Variants in TCF20 observed in about 807,000 individuals in gnomAD.
TCF20 encodes SPRE-binding protein.
Under a neutral mutation model 148.6 loss-of-function variants are expected in TCF20, and 3 were observed. That is an observed-to-expected ratio of 0.02 (90% confidence interval 0.01 to 0.05). The LOEUF (loss-of-function observed/expected upper bound fraction) is 0.05, where lower values mean the gene tolerates loss of function less well. TCF20 is among the 10% of genes least tolerant of loss of function. The pLI is 1.00. For synonymous variants in TCF20, 1,049 were observed against 909.5 expected (o/e 1.15, Z -2.76); for missense variants, 2,350 against 2,429.3 (o/e 0.97, Z 0.69).
rs3045578 is a variant in TCF20, at chr22:42,243,292, C to CAAAAAAAAAA, written c.-37+27037_-37+27046dup. Among the ~76,000 whole-genome samples the CAAAAAAAAAA allele has an allele frequency of 5.1e-3, 202 of 39,496 alleles. 58 individuals are homozygous for CAAAAAAAAAA. Among genetic ancestry groups the CAAAAAAAAAA allele is most frequent in the East Asian group, 0.028 (19 of 678 alleles). The allele number at this position is 39,496 out of a possible 152,430, so 25.9% of individuals were successfully genotyped here. On this transcript the variant is annotated intron_variant, in intron 1 of 5. Coordinates refer to ENST00000677622, the MANE Select transcript of TCF20 (RefSeq NM_001378418.1). Reference sequence around the variant, plus strand: ...TGGCTGGCAGAGCAAGACACTGTCTCAAAAAAAAAAAAAAAAAAAAAAAAA... The same window carrying CAAAAAAAAAA: ...TGGCTGGCAGAGCAAGACACTGTCTCAAAAAAAAAAAAAAAAAAAAAAAAAAAAAAAAAAA...
chr22:42,218,296 G>GTTTGGCC (rs757923635), intron 1 of TCF20, among the ~76,000 whole-genome samples: 38 of 152,188 alleles, frequency 2.5e-4, no homozygotes, highest in Non-Finnish European at 4.7e-4. Context: ...TGTCCTGTCA[G>GTTTGGCC]TTTGGCCTTG....
At chr22:42,193,555 T>C (rs2147136820) in intron 2 of TCF20, among the ~76,000 whole-genome samples, 1 of 152,214 alleles carries the variant, frequency 6.6e-6, no homozygotes, top group South Asian at 2.1e-4. Flanking sequence ...CTCAAACTCC[T>C]GGGCTTAGGC....
At chr22:42,331,256 G>A (rs1391553055) in intron 1 of TCF20, among the ~76,000 whole-genome samples, 1 of 152,140 alleles carries the variant, frequency 6.6e-6, no homozygotes, top group Non-Finnish European at 1.5e-5. Flanking sequence ...GCTAAGCCAC[G>A]AGCCACCGGG....
In TCF20 at chr22:42,249,854, A is replaced by G. The variant is rs553761578; in HGVS notation, c.-37+20485T>C. Among the ~76,000 whole-genome samples, 5 of 152,130 alleles carry G rather than the reference A, an allele frequency of 3.3e-5. No homozygotes were observed. The East Asian group carries it at 9.7e-4, about 29-fold the overall frequency. On this transcript the variant is annotated intron_variant, in intron 1 of 5. Coordinates refer to ENST00000677622, the MANE Select transcript of TCF20 (RefSeq NM_001378418.1). ...TACTGGAGATATAAATTGTGTAGAG[A>G]CTTTTGGAGAGTTCTAATTAATTCT...
chr22:42,176,971 A>G (rs1321776836), intron 3 of TCF20, among the ~76,000 whole-genome samples: 5 of 152,236 alleles, frequency 3.3e-5, no homozygotes, highest in African/African-American at 1.2e-4. Flanking sequence ...ATTATATTGT[A>G]TAGTTTCAAA....
At chr22:42,198,604 A>G (rs1191466301) in intron 2 of TCF20, among the ~76,000 whole-genome samples, 2 of 152,170 alleles carry the variant, frequency 1.3e-5, no homozygotes, top group Non-Finnish European at 2.9e-5. Context: ...TTTCTCATTT[A>G]GAGAATAATG....
chr22:42,165,813 T>A (rs2147041876), intron 5 of TCF20, among the ~76,000 whole-genome samples: 1 of 152,368 alleles, frequency 6.6e-6, no homozygotes, highest in South Asian at 2.1e-4. Context: ...TTGGCACTGC[T>A]ATTCCTGTTT....
At chr22:42,169,760 G>A (rs1936007334) in intron 4 of TCF20, 87 bp downstream of exon 4, 7 of 1,390,632 alleles carry the variant, frequency 5.0e-6, no homozygotes, top group Admixed American at 1.8e-5. Flanking sequence ...TGTGGGTGAG[G>A]CCCACCAACA....
At chr22:42,203,239 G>A (rs1416687622) in intron 2 of TCF20, among the ~76,000 whole-genome samples, 1 of 152,000 alleles carries the variant, frequency 6.6e-6, no homozygotes, top group Admixed American at 6.6e-5. Flanking sequence ...TGTTGCCCAG[G>A]CTGGTCTCAA....
In TCF20 at chr22:42,211,717, G is replaced by T; in HGVS notation, c.3589C>A (p.Pro1197Thr). 1.2e-6 allele frequency: 2 copies of T among 1,614,160 alleles called. No homozygotes were observed. The highest frequency in any genetic ancestry group is 1.7e-6 in the Non-Finnish European group (2 of 1,180,028). ...SCWDLSRQTSPAKSSGPPGMS... is the reference protein window; with the variant it reads ...SCWDLSRQTSTAKSSGPPGMS... ...CCTGGAGGACCGCTGCTTTTGGCTG[G>T]AGAAGTTTGCCGAGAAAGATCCCAA... The change falls in exon 2 of 6, where the codon CCA becomes ACA. Residue 1197 changes from proline (P) to threonine (T), a missense_variant. Pro to Thr is a conservative substitution (Grantham distance 38). Transcript: ENST00000677622.
rs1202079826 is a variant in TCF20 at position 42,214,023 on chromosome 22, G to A, written c.1283C>T (p.Pro428Leu). ...LSPTPSMMPSPNSHAAGFKGF... is the reference protein window; with the variant it reads ...LSPTPSMMPSLNSHAAGFKGF... ...TTTGAAGCCTGCAGCATGAGAATTA[G>A]GACTGGGCATCATTGATGGGGTTGG... Residue 428 changes from proline (P) to leucine (L), a missense_variant, in exon 2 of 6, where the codon CCT becomes CTT. This residue lies in a region of TCF20 where 1,641 missense variants were observed against 1,662.6 expected (regional missense o/e 0.99). Coordinates refer to ENST00000677622, the MANE Select transcript of TCF20 (RefSeq NM_001378418.1). 6 of 1,614,050 alleles carry A rather than the reference G, an allele frequency of 3.7e-6. No homozygotes were observed. Among genetic ancestry groups the A allele is most frequent in the African/African-American group, 1.3e-5 (1 of 74,908 alleles).
intron 2 of TCF20, 139 bp downstream of exon 2, chr22:42,209,512 T>G (rs1920923754): frequency 9.8e-7 from 1 of 1,021,520 alleles, no homozygotes; most frequent in African/African-American, 1.6e-5. Context: ...AATTACCTAT[T>G]TCATTTTCTG....
At chr22:42,229,548 T>C (rs1050436738) in intron 1 of TCF20, among the ~76,000 whole-genome samples, 5 of 152,128 alleles carry the variant, frequency 3.3e-5, no homozygotes, top group African/African-American at 1.2e-4. Context: ...GCAGGTACAG[T>C]ACAGTGAAGA....
At chr22:42,189,754 A>G (rs983684707) in intron 2 of TCF20, among the ~76,000 whole-genome samples, 10 of 152,208 alleles carry the variant, frequency 6.6e-5, no homozygotes, top group African/African-American at 2.4e-4. Context: ...GAGGACAACA[A>G]CGACAAATCT....
upstream of TCF20, among the ~76,000 whole-genome samples, chr22:42,288,195 G>C (rs1212061290): frequency 1.3e-5 from 2 of 152,090 alleles, no homozygotes; most frequent in African/African-American, 4.8e-5. Context: ...AGGAGTTCAA[G>C]ACCAGCCTGG....
chr22:42,306,049 T>C (rs1271757241), intron 1 of TCF20, among the ~76,000 whole-genome samples: 2 of 152,170 alleles, frequency 1.3e-5, no homozygotes, highest in African/African-American at 2.4e-5. Flanking sequence ...GGTGAGCCCA[T>C]CTGAACATGG....
intron 2 of TCF20, among the ~76,000 whole-genome samples, chr22:42,183,017 G>GT (rs1569114080): frequency 6.6e-6 from 1 of 152,182 alleles, no homozygotes; most frequent in Non-Finnish European, 1.5e-5. Context: ...GATTACAGGC[G>GT]TGAGCCACTG....
Position 42,210,494 on chromosome 22 carries a change from A to C in TCF20, c.4812T>G (p.Ile1604Met), listed in dbSNP as rs765630146. The change falls in exon 2 of 6, where the codon ATT becomes ATG. Residue 1604 changes from isoleucine to methionine, a missense_variant. By Grantham distance (10) the Ile-to-Met change is conservative. Around this residue, in one of 7 missense-constraint regions of TCF20, gnomAD observed 374 missense variants for 398.3 expected, o/e 0.94. Transcript: ENST00000677622. The surrounding 1 kb of genome is among the most constrained non-coding windows in gnomAD (Gnocchi z 4.7). ...RKRKTKQAVP[I>M]VEPQEPEIKL... is the part of the protein sequence containing the mutation. The stretch of plus-strand genomic sequence containing the variant: ...TGATCTCAGGTTCTTGGGGTTCCAC[A>C]ATGGGAACTGCTTGTTTGGTTTTTC... The C allele has an allele frequency of 3.1e-6, 5 of 1,614,176 alleles. No individual in the cohort carries two copies. In the Admixed American group the frequency reaches 8.3e-5, roughly 27 times the overall value.
intron 2 of TCF20, among the ~76,000 whole-genome samples, chr22:42,206,614 G>GT (rs1569138913): frequency 6.6e-6 from 1 of 152,066 alleles, no homozygotes; most frequent in East Asian, 1.9e-4. Context: ...AACTTCTTAG[G>GT]GGAAGTGAAT....
Sources: gnomAD v4.1 joint callset for allele counts (sites outside exome capture counted in the v4.1 genomes callset) on GRCh38, gnomAD v4.1.1 for gene constraint, gnomAD v4.1.1 regional missense constraint, Gnocchi (gnomAD v3.1) non-coding constraint, MANE v1.5 for transcripts, NCBI Gene and HGNC (gene_info 2026-07-23, HGNC 2026-07-21) for gene names.